The following MYBPC3 variants were observed in gnomAD, a reference collection of about 807,000 sequenced individuals.
MYBPC3 encodes myosin-binding protein C, cardiac-type.
Under a neutral mutation model 159.3 loss-of-function variants are expected in MYBPC3, and 108 were observed. That is an observed-to-expected ratio of 0.68 (90% confidence interval 0.58 to 0.80). The LOEUF is 0.80. Among genes scored for constraint, MYBPC3 ranks in the 30% least tolerant of loss-of-function variants. The pLI is 0.00. For synonymous variants in MYBPC3, 730 were observed against 702.0 expected, an observed-to-expected ratio of 1.04 and a Z score of -0.63; for missense variants, 1,631 against 1,762.1, an observed-to-expected ratio of 0.93 and a Z score of 1.33.
At position 47,331,893 on chromosome 11, in the gene MYBPC3, G is replaced by C. The variant is rs764320767; in HGVS notation, c.3815-12C>G. 8.7e-6 allele frequency: 14 copies of C among 1,610,140 alleles called. No homozygotes were observed. The highest frequency in any genetic ancestry group is 1.2e-5 in the Non-Finnish European group (14 of 1,178,574). On this transcript the variant is annotated splice_polypyrimidine_tract_variant and intron_variant, in intron 33 of 34. Transcript: ENST00000545968. ...TGGTCACTGAGGCACTGCAGAAGAG[G>C]AGGCCATGTCACTGTGTCCTCCCAG...
rs397516055 is a variant in MYBPC3 at position 47,350,008 on chromosome 11, A to G, written c.505+6T>C. On this transcript the variant is annotated splice_donor_region_variant and intron_variant, in intron 4 of 34. Coordinates refer to ENST00000545968, the MANE Select transcript of MYBPC3 (RefSeq NM_000256.3). ...CCCAATGCTGGGCACAGCAGCTCAC[A>G]CTCACCCACGGTCACCTCGCCATCC... is the stretch of plus-strand genomic sequence containing the variant. 2.0e-5 allele frequency: 31 copies of G among 1,559,850 alleles called. No individual in the cohort carries two copies. The highest frequency in any genetic ancestry group is 2.4e-5 in the Non-Finnish European group (28 of 1,152,264).
chr11:47,346,537 G>A lies in MYBPC3; in HGVS notation c.926+90C>T, dbSNP rs1335212729. 17 of 1,491,296 alleles carry A rather than the reference G, an allele frequency of 1.1e-5. No individual in the cohort carries two copies. The highest frequency in any genetic ancestry group is 1.1e-4 in the African/African-American group (8 of 71,862). The allele number at this position is 1,491,296 out of a possible 1,614,324, so 92.4% of individuals were successfully genotyped here. A position where few individuals can be genotyped will look rare whatever the true frequency, so the allele number is the denominator to read the frequency against. On this transcript the variant is annotated intron_variant, in intron 11 of 34. Coordinates refer to ENST00000545968, the MANE Select transcript of MYBPC3 (RefSeq NM_000256.3). The surrounding 1 kb of genome is among the most constrained non-coding windows in gnomAD (Gnocchi z 5.3). Reference sequence around the variant, plus strand: ...GGTCCCAGGCCAGGCAGGACTGGGGGCCAAGGGAGCTGAAGAGGGGCTGGG... The same window carrying A: ...GGTCCCAGGCCAGGCAGGACTGGGGACCAAGGGAGCTGAAGAGGGGCTGGG...
In MYBPC3 at chr11:47,343,491, C is replaced by T. The variant is rs730880639; in HGVS notation, c.1223+1G>A. The stretch of plus-strand genomic sequence containing the variant: ...GCCCCCCTCCCCACCCCAGGCTGCA[C>T]CTGCCGCTCATCTGGATCTCCTGGC... On this transcript the variant is annotated splice_donor_variant, in intron 13 of 34. Coordinates refer to ENST00000545968, the MANE Select transcript of MYBPC3 (RefSeq NM_000256.3). LOFTEE classifies it high-confidence loss of function. 6 of 1,584,508 alleles carry T rather than the reference C, an allele frequency of 3.8e-6. No individual in the cohort carries two copies. Among genetic ancestry groups the T allele is most frequent in the East Asian group, 4.6e-5 (2 of 43,362 alleles).
chr11:47,331,847 G>T lies in MYBPC3; in HGVS notation c.*24C>A, dbSNP rs746869742. 12 of 1,606,586 alleles carry T rather than the reference G, an allele frequency of 7.5e-6. No individual in the cohort carries two copies. The Admixed American group carries it at 2.0e-4, about 27-fold the overall frequency. On this transcript the variant is annotated splice_region_variant and 3_prime_UTR_variant, in exon 34 of 35. Coordinates refer to ENST00000545968, the MANE Select transcript of MYBPC3 (RefSeq NM_000256.3). The stretch of plus-strand genomic sequence containing the variant: ...CCTGGGTGTCGGGTGGTACATACCT[G>T]GCCATCCCCAGGAGCCAGCCTGGTC...
chr11:47,341,479 T>C (rs1431141295), intron 18 of MYBPC3, among the ~76,000 whole-genome samples: 2 of 152,268 alleles, frequency 1.3e-5, no homozygotes, highest in Non-Finnish European at 2.9e-5. Context: ...GGCTGGGCCC[T>C]TGGAGACTGG....
chr11:47,346,661 G>T lies in MYBPC3; in HGVS notation c.909-17C>A, dbSNP rs1192839394. ...CGGAAACTGCTGCTCCAGGGGTGGG[G>T]GTGGGAGAAAGGGTAGGTGGCACAT... On this transcript the variant is annotated splice_polypyrimidine_tract_variant and intron_variant, in intron 10 of 34. Coordinates refer to ENST00000545968, the MANE Select transcript of MYBPC3 (RefSeq NM_000256.3). This position sits in a 1 kb window ranked among gnomAD's most constrained non-coding sequence, Gnocchi z 5.3. 1 of 1,598,900 alleles carries T rather than the reference G, an allele frequency of 6.3e-7. No individual in the cohort carries two copies. Among genetic ancestry groups the T allele is most frequent in the South Asian group, 1.1e-5 (1 of 88,918 alleles).
In MYBPC3 at chr11:47,347,699, G is replaced by T; in HGVS notation, c.822-19C>A. On this transcript the variant is annotated intron_variant, in intron 7 of 34. Transcript: ENST00000545968. ...CAGGCTCCTGTGGGGGTTAGACTCA[G>T]TATCCTCACCTGCCTGGGAAGCTTG... The T allele has an allele frequency of 6.4e-7, 1 of 1,565,906 alleles. No homozygotes were observed. Among genetic ancestry groups the T allele is most frequent in the Non-Finnish European group, 8.7e-7 (1 of 1,155,608 alleles).
Position 47,335,217 on chromosome 11 carries a change from T to C in MYBPC3, c.2738-8A>G, listed in dbSNP as rs1269746938. ...CAGCCACCCACTCTGAGCCTGGGGG[T>C]GGGGAGGGGGAGGCAAGGCCACAGG... On this transcript the variant is annotated splice_polypyrimidine_tract_variant and splice_region_variant and intron_variant, in intron 26 of 34. Coordinates refer to ENST00000545968, the MANE Select transcript of MYBPC3 (RefSeq NM_000256.3). 2 of 1,574,702 alleles carry C rather than the reference T, an allele frequency of 1.3e-6. No individual in the cohort carries two copies. Among genetic ancestry groups the C allele is most frequent in the Non-Finnish European group, 1.7e-6 (2 of 1,157,448 alleles).
chr11:47,339,607 C>A, intron 21 of MYBPC3, 44 bp downstream of exon 21: 1 of 1,528,396 alleles, frequency 6.5e-7, no homozygotes, highest in Non-Finnish European at 8.8e-7. Context: ...TGGTTCCACA[C>A]ACCCATCTTA....
intron 18 of MYBPC3, 60 bp downstream of exon 18, chr11:47,341,909 CTCTCTCTCTGTTTCTCCCTGTG>C (rs1266507621): frequency 2.8e-5 from 43 of 1,511,318 alleles, no homozygotes; most frequent in Non-Finnish European, 1.3e-5. Flanking sequence ...GTCTTTATCT[CTCTCTCTCTGTTTCTCCCTGTG>C]TCTCTCTCTG....
In MYBPC3 at chr11:47,346,390, C is replaced by T. The variant is rs1417608603; in HGVS notation, c.927-20G>A. 17 of 1,546,336 alleles carry T rather than the reference C, an allele frequency of 1.1e-5. No individual in the cohort carries two copies. The highest frequency in any genetic ancestry group is 4.7e-5 in the East Asian group (2 of 42,630). ...GAGTCCCTGTGTCCCGCAGTCTAGG[C>T]TGTGGCCGGGGGCAAGACTGCAGCC... is the stretch of plus-strand genomic sequence containing the variant. On this transcript the variant is annotated intron_variant, in intron 11 of 34. Transcript: ENST00000545968. The surrounding 1 kb of genome is among the most constrained non-coding windows in gnomAD (Gnocchi z 5.3).
chr11:47,342,626 C>T lies in MYBPC3; in HGVS notation c.1576G>A (p.Ala526Thr), dbSNP rs2095889889. ...EAMLEDAGHY[A>T]LCTSGGQALA... ...GCCTGGCCCCCGCTAGTGCACAGTG[C>T]ATAGTGCCCCGCGTCCTCCAGCATG... The change falls in exon 17 of 35, where the codon GCA becomes ACA. Residue 526 changes from alanine to threonine, a missense_variant. Coordinates refer to ENST00000545968, the MANE Select transcript of MYBPC3 (RefSeq NM_000256.3). The T allele has an allele frequency of 1.2e-6, 2 of 1,613,850 alleles. No homozygotes were observed. The highest frequency in any genetic ancestry group is 1.7e-6 in the Non-Finnish European group (2 of 1,179,804).
intron 18 of MYBPC3, 89 bp from the exon 19 acceptor site, chr11:47,341,333 C>G: frequency 2.1e-6 from 2 of 965,658 alleles, no homozygotes; most frequent in Non-Finnish European, 3.1e-6. Flanking sequence ...AGGAGGCCCT[C>G]ACCTTGTCCT....
chr11:47,346,308 G>A lies in MYBPC3; in HGVS notation c.989C>T (p.Pro330Leu). The change falls in exon 12 of 35, where the codon CCA becomes CTA. Residue 330 changes from proline to leucine, a missense_variant. Pro to Leu is a moderately conservative substitution (Grantham distance 98, BLOSUM62 -3). Coordinates refer to ENST00000545968, the MANE Select transcript of MYBPC3 (RefSeq NM_000256.3). This position sits in a 1 kb window ranked among gnomAD's most constrained non-coding sequence, Gnocchi z 5.3. ...DVWEILRQAP[P>L]SEYERIAFQY... ...GAAGGCGATGCGCTCGTACTCAGAT[G>A]GGGGTGCCTGCCGTAGGATCTCCCA... 1 of 1,612,722 alleles carries A rather than the reference G, an allele frequency of 6.2e-7. No individual in the cohort carries two copies. Among genetic ancestry groups the A allele is most frequent in the Non-Finnish European group, 8.5e-7 (1 of 1,179,352 alleles).
At chr11:47,342,538 C>A (rs2095889712) in intron 17 of MYBPC3, 40 bp downstream of exon 17, 1 of 1,512,970 alleles carries the variant, frequency 6.6e-7, no homozygotes, top group South Asian at 1.3e-5. Flanking sequence ...CTGAGGGGTC[C>A]AAGCCCTAAA....
Position 47,343,526 on chromosome 11 carries a change from G to A in MYBPC3, c.1189C>T (p.Leu397Phe). The change falls in exon 13 of 35, where the codon CTC becomes TTC. Residue 397 changes from leucine to phenylalanine, a missense_variant. Leu to Phe is a conservative substitution (Grantham distance 22). Transcript: ENST00000545968. ...ATCTGGATCTCCTGGCCATTCTTGA[G>A]CCATTTGACCTCAGCGTCATGGTCA... ...LADHDAEVKW[L>F]KNGQEIQMSG... is the part of the protein sequence containing the mutation. 1 of 1,606,986 alleles carries A rather than the reference G, an allele frequency of 6.2e-7. No homozygotes were observed. Among genetic ancestry groups the A allele is most frequent in the Admixed American group, 1.7e-5 (1 of 59,180 alleles).
In MYBPC3 at chr11:47,340,391, G is replaced by A. The variant is rs906982958; in HGVS notation, c.1928-601C>T. Among the ~76,000 whole-genome samples, 5 of 152,224 alleles carry A rather than the reference G, an allele frequency of 3.3e-5. No homozygotes were observed. The East Asian group carries it at 5.8e-4, about 18-fold the overall frequency. On this transcript the variant is annotated intron_variant, in intron 20 of 34. Coordinates refer to ENST00000545968, the MANE Select transcript of MYBPC3 (RefSeq NM_000256.3). Reference sequence around the variant, plus strand: ...TTAAACAAAGCAAAGCAGTCTGGACGCAGTGGCTCACGCCTGTAATCCCAG... The same window carrying A: ...TTAAACAAAGCAAAGCAGTCTGGACACAGTGGCTCACGCCTGTAATCCCAG...
Position 47,346,969 on chromosome 11 carries a change from T to C in MYBPC3, c.908+58A>G. ...CAGCCTCTCAGAGAGGGGACGGGAA[T>C]CCCCTCTGCACCCACCAGCGCCCTG... is the stretch of plus-strand genomic sequence containing the variant. On this transcript the variant is annotated intron_variant, in intron 10 of 34. Coordinates refer to ENST00000545968, the MANE Select transcript of MYBPC3 (RefSeq NM_000256.3). The surrounding 1 kb of genome is among the most constrained non-coding windows in gnomAD (Gnocchi z 5.3). The C allele has an allele frequency of 1.3e-6, 1 of 768,802 alleles. No individual in the cohort carries two copies. The highest frequency in any genetic ancestry group is 1.3e-5 in the South Asian group (1 of 74,556). The allele number at this position is 768,802 out of a possible 1,614,324, so 47.6% of individuals were successfully genotyped here.
rs773882783 is a variant in MYBPC3, at chr11:47,338,688, G to A, written c.2149-9C>T. 1.2e-6 allele frequency: 2 copies of A among 1,604,812 alleles called. No individual in the cohort carries two copies. Among genetic ancestry groups the A allele is most frequent in the Non-Finnish European group, 8.5e-7 (1 of 1,175,328 alleles). On this transcript the variant is annotated splice_polypyrimidine_tract_variant and intron_variant, in intron 22 of 34. Coordinates refer to ENST00000545968, the MANE Select transcript of MYBPC3 (RefSeq NM_000256.3). This position sits in a 1 kb window ranked among gnomAD's most constrained non-coding sequence, Gnocchi z 4.7. ...TCGGTCTCACACAGCAGCTGGGGGG[G>A]TGCAGAGTTGGGGTGAGATCCAAGT... is the stretch of plus-strand genomic sequence containing the variant.
Sources: allele counts gnomAD v4.1 joint callset (sites outside exome capture counted in the v4.1 genomes callset), GRCh38; gene constraint gnomAD v4.1.1; non-coding constraint Gnocchi (gnomAD v3.1); transcripts MANE v1.5; gene names NCBI Gene and HGNC (gene_info 2026-07-23, HGNC 2026-07-21).